Variants in NFATC2 observed in about 807,000 individuals in gnomAD.
NFATC2 encodes the protein nuclear factor of activated T cells 2.
A neutral mutation model predicts 87.3 loss-of-function variants in NFATC2; 22 were observed. The observed-to-expected ratio is 0.25, with a 90% CI of 0.18 to 0.36. The LOEUF (loss-of-function observed/expected upper bound fraction) is 0.36, where lower values mean the gene tolerates loss of function less well. Ranked by LOEUF, NFATC2 falls within the 10% of genes least tolerant of loss-of-function variation. The pLI is 1.00. For missense variants in NFATC2, 1,149 were observed against 1,259.1 expected (o/e 0.91, Z 1.32); for synonymous variants, 565 against 542.2 (o/e 1.04, Z -0.58).
intron 4 of NFATC2, 51 bp from the exon 5 acceptor site, chr20:51,474,203 A>G (rs1410832727): frequency 6.3e-7 from 1 of 1,595,914 alleles, no homozygotes; most frequent in Non-Finnish European, 8.6e-7. Context: ...CAGGAGCAGG[A>G]AAGATCACCC....
chr20:51,475,264 C>T (rs116133740), intron 4 of NFATC2, among the ~76,000 whole-genome samples, 194 bp downstream of exon 4: 2,039 of 152,222 alleles, frequency 0.013, 42 homozygotes, highest in African/African-American at 0.043. Context: ...CCACCACGCC[C>T]GGCCTACATA....
At chr20:51,431,409 G>A (rs186114232) in intron 9 of NFATC2, among the ~76,000 whole-genome samples, 22 of 152,152 alleles carry the variant, frequency 1.4e-4, no homozygotes, top group South Asian at 2.1e-4. Context: ...CCACAAACGG[G>A]CACCTACAGA....
At chr20:51,488,916 C>T (rs1027254864) in intron 3 of NFATC2, among the ~76,000 whole-genome samples, 1 of 152,240 alleles carries the variant, frequency 6.6e-6, no homozygotes, top group Non-Finnish European at 1.5e-5. Flanking sequence ...AAGCTGGGCG[C>T]AGTGGCTCAT....
intron 1 of NFATC2, among the ~76,000 whole-genome samples, chr20:51,561,353 G>A (rs1407497522): frequency 1.6e-5 from 2 of 125,230 alleles, no homozygotes; most frequent in African/African-American, 6.6e-5. Context: ...GAAAGAGAGA[G>A]AAAGAAAAGA....
Position 51,432,561 on chromosome 20 carries a change from TG to T in NFATC2, c.2227del (p.Gln743SerfsTer16). Reference protein sequence around the residue: ...TGLSSPDARYQQQNPAAVLYQ... With the variant: ...TGLSSPDARYXQQNPAAVLYQ... ...GAGTACGGCCGCTGGGTTCTGTTGC[TG>T]GTAGCGGGCGTCAGGGGATGAGAGC... On this transcript the variant is annotated frameshift_variant, in exon 9 of 11. Coordinates refer to ENST00000371564, the MANE Select transcript of NFATC2 (RefSeq NM_012340.5). LOFTEE classifies it high-confidence loss of function. The surrounding 1 kb of genome is among the most constrained non-coding windows in gnomAD (Gnocchi z 4.6). 1 of 1,539,556 alleles carries T rather than the reference TG, an allele frequency of 6.5e-7. No homozygotes were observed. The highest frequency in any genetic ancestry group is 8.7e-7 in the Non-Finnish European group (1 of 1,143,910).
At chr20:51,562,709 T>C (rs1236676135), upstream of NFATC2, 5 of 1,381,218 alleles carry the variant, frequency 3.6e-6, no homozygotes, top group Admixed American at 2.0e-5. The surrounding 1 kb of genome is among the most constrained non-coding windows in gnomAD (Gnocchi z 5.8). Flanking sequence ...GACGCCGTCT[T>C]CTCTACCGCG....
intron 1 of NFATC2, among the ~76,000 whole-genome samples, chr20:51,540,658 G>GTTTGTTTTTTTTTTT (rs2076797365): frequency 9.1e-6 from 1 of 110,054 alleles, no homozygotes; most frequent in African/African-American, 3.7e-5. Context: ...TTTTTTTTTT[G>GTTTGTTTTTTTTTTT]TTTTTTTTTT....
intron 2 of NFATC2, among the ~76,000 whole-genome samples, chr20:51,520,969 A>G (rs2076435639): frequency 6.6e-6 from 1 of 152,082 alleles, no homozygotes; most frequent in African/African-American, 2.4e-5. Flanking sequence ...GCATTTTCTA[A>G]GATAGCCCTG....
At chr20:51,444,766 T>C (rs908679905) in intron 6 of NFATC2, among the ~76,000 whole-genome samples, 1 of 152,172 alleles carries the variant, frequency 6.6e-6, no homozygotes, top group Non-Finnish European at 1.5e-5. Context: ...GACTGCTAAC[T>C]AGCAGAAAAA....
At chr20:51,554,201 A>T (rs1169651974) in intron 1 of NFATC2, among the ~76,000 whole-genome samples, 1 of 152,156 alleles carries the variant, frequency 6.6e-6, no homozygotes, top group East Asian at 1.9e-4. Flanking sequence ...CCATCAACAC[A>T]ATCACTAGAC....
At chr20:51,502,471 T>C (rs1409493518) in intron 3 of NFATC2, among the ~76,000 whole-genome samples, 1 of 152,192 alleles carries the variant, frequency 6.6e-6, no homozygotes, top group Admixed American at 6.6e-5. Context: ...ACTACAGGCA[T>C]GTTCCACTGC....
chr20:51,413,896 G>A (rs984461121), intron 9 of NFATC2, among the ~76,000 whole-genome samples: 1 of 152,222 alleles, frequency 6.6e-6, no homozygotes, highest in Non-Finnish European at 1.5e-5. Flanking sequence ...AAATGCCTCT[G>A]CGGCTGCCAT....
intron 5 of NFATC2, among the ~76,000 whole-genome samples, chr20:51,458,124 G>C (rs1345540018): frequency 2.0e-5 from 3 of 152,130 alleles, no homozygotes; most frequent in African/African-American, 7.2e-5. Context: ...CGATCTGCCT[G>C]CCTCGGCCTC....
upstream of NFATC2, among the ~76,000 whole-genome samples, chr20:51,543,975 A>ATATT (rs2076864594): frequency 1.4e-5 from 1 of 72,958 alleles, no homozygotes; most frequent in African/African-American, 5.9e-5. Flanking sequence ...AGAATTCCTA[A>ATATT]TTTTTTTTTT....
chr20:51,497,669 C>T (rs1038117698), intron 3 of NFATC2, among the ~76,000 whole-genome samples: 6 of 152,030 alleles, frequency 3.9e-5, no homozygotes, highest in East Asian at 1.9e-4. Flanking sequence ...CCTTTGCTCA[C>T]GGAGGAGTGA....
chr20:51,405,355 G>C (rs1160724085), intron 9 of NFATC2, among the ~76,000 whole-genome samples: 1 of 152,180 alleles, frequency 6.6e-6, no homozygotes, highest in Non-Finnish European at 1.5e-5. Flanking sequence ...CACCACTCAG[G>C]AAGATGTGAG....
intron 1 of NFATC2, among the ~76,000 whole-genome samples, chr20:51,560,148 A>G (rs1224070071): frequency 2.0e-5 from 3 of 152,222 alleles, no homozygotes; most frequent in Admixed American, 2.0e-4. Flanking sequence ...AGCATTGACT[A>G]TGACCAAGAC....
intron 10 of NFATC2, among the ~76,000 whole-genome samples, chr20:51,398,381 G>A (rs183968105): frequency 5.3e-5 from 8 of 152,230 alleles, no homozygotes; most frequent in South Asian, 2.1e-4. Context: ...ATTTTTCCAC[G>A]CAGGCCAGCC....
At chr20:51,393,864 G>A (rs1011039133) in intron 10 of NFATC2, among the ~76,000 whole-genome samples, 6 of 152,188 alleles carry the variant, frequency 3.9e-5, no homozygotes, top group East Asian at 1.9e-4. Flanking sequence ...AGGCCCTCTC[G>A]AAGGGCTGTT....
Sources: allele counts gnomAD v4.1 joint callset (sites outside exome capture counted in the v4.1 genomes callset), GRCh38; gene constraint gnomAD v4.1.1; non-coding constraint Gnocchi (gnomAD v3.1); transcripts MANE v1.5; gene names NCBI Gene and HGNC (gene_info 2026-07-23, HGNC 2026-07-21).